Variants in UBP1 observed in about 807,000 individuals in gnomAD.
UBP1 encodes upstream binding protein 1.
In UBP1, 22 loss-of-function variants were observed where a neutral mutation model predicts 76.1. The ratio of observed to expected loss-of-function variants is 0.29; its 90% CI spans 0.21 to 0.41. The LOEUF is 0.41. Ranked by LOEUF, UBP1 falls within the 10% of genes least tolerant of loss-of-function variation. The probability of loss-of-function intolerance (pLI) is 1.00; values close to 1 mark genes in which losing one functional copy is unlikely to be tolerated. For missense variants in UBP1, 436 were observed against 668.1 expected, an observed-to-expected ratio of 0.65 and a Z score of 3.83; for synonymous variants, 224 against 237.1, an observed-to-expected ratio of 0.94 and a Z score of 0.51.
intron 1 of UBP1, among the ~76,000 whole-genome samples, chr3:33,428,782 A>C (rs1364569784): frequency 6.6e-5 from 10 of 150,702 alleles, no homozygotes; most frequent in African/African-American, 2.5e-4. Flanking sequence ...ACTTTCAACC[A>C]AAGTCCTTAC....
intron 1 of UBP1, among the ~76,000 whole-genome samples, chr3:33,427,202 T>C (rs1366796829): frequency 6.6e-6 from 1 of 152,206 alleles, no homozygotes; most frequent in Admixed American, 6.5e-5. Context: ...TGGCCTCAAG[T>C]GATCCGCCCG....
chr3:33,439,874 C>T lies in UBP1; in HGVS notation c.-26G>A. On this transcript the variant is annotated 5_prime_UTR_variant, in exon 1 of 16. The change creates a new upstream start codon in the 5' untranslated region. Coordinates refer to ENST00000283629, the MANE Select transcript of UBP1 (RefSeq NM_014517.5). Reference sequence around the variant, plus strand: ...CTTCCGGCCTCGCCGTCGCCCCGCACACCGCGGCCTCCGCGTCCAGGGCGA... The same window carrying T: ...CTTCCGGCCTCGCCGTCGCCCCGCATACCGCGGCCTCCGCGTCCAGGGCGA... 6.2e-7 allele frequency: 1 copy of T among 1,609,156 alleles called. No homozygotes were observed. Among genetic ancestry groups the T allele is most frequent in the South Asian group, 1.1e-5 (1 of 90,452 alleles).
chr3:33,396,475 T>C (rs146291548), intron 12 of UBP1, 195 bp from the exon 13 acceptor site: 1 of 510,348 alleles, frequency 2.0e-6, no homozygotes, highest in African/African-American at 1.9e-5. Context: ...TGGTCTAATA[T>C]GATGATCCAG....
intron 1 of UBP1, among the ~76,000 whole-genome samples, chr3:33,427,309 G>A (rs1345655259): frequency 2.0e-5 from 3 of 152,240 alleles, no homozygotes; most frequent in African/African-American, 4.8e-5. Context: ...TTTCAAAGTG[G>A]TTGCAATAAT....
intron 14 of UBP1, chr3:33,393,034 G>A (rs2043830894): frequency 2.7e-6 from 1 of 365,786 alleles, no homozygotes; most frequent in Non-Finnish European, 4.8e-6. Context: ...CATAAAAAGG[G>A]CCAAAGCCTG....
At chr3:33,433,779 G>A (rs1376011741) in intron 1 of UBP1, among the ~76,000 whole-genome samples, 1 of 152,128 alleles carries the variant, frequency 6.6e-6, no homozygotes, top group Non-Finnish European at 1.5e-5. Flanking sequence ...TGGGCACCAT[G>A]TGGCCCACCT....
At chr3:33,417,709 T>C (rs1057039134) in intron 2 of UBP1, among the ~76,000 whole-genome samples, 1 of 152,226 alleles carries the variant, frequency 6.6e-6, no homozygotes, top group African/African-American at 2.4e-5. Flanking sequence ...TTATCTGTTA[T>C]TAAATAATAA....
At chr3:33,429,794 A>G (rs984205022) in intron 1 of UBP1, among the ~76,000 whole-genome samples, 10 of 152,362 alleles carry the variant, frequency 6.6e-5, no homozygotes, top group Non-Finnish European at 1.2e-4. Context: ...CCAGCAATGT[A>G]AGCTGCCTTC....
chr3:33,420,073 A>G (rs2044846545), intron 2 of UBP1, among the ~76,000 whole-genome samples: 1 of 152,172 alleles, frequency 6.6e-6, no homozygotes, highest in African/African-American at 2.4e-5. Context: ...AGCTTCATCA[A>G]ATGGGACTCC....
chr3:33,402,774 A>C, intron 9 of UBP1, 27 bp downstream of exon 9: 1 of 1,469,506 alleles, frequency 6.8e-7, no homozygotes, highest in Non-Finnish European at 9.1e-7. Context: ...AGTTAGCTGC[A>C]GGCACACGAT....
Position 33,394,191 on chromosome 3 carries a change from TTTATTATTATTA to T in UBP1, c.1391-749_1391-738del, listed in dbSNP as rs148929407. Among the ~76,000 whole-genome samples, 92 of 143,416 alleles carry T rather than the reference TTTATTATTATTA, an allele frequency of 6.4e-4. 1 individual carries two copies. The South Asian group carries it at 7.6e-3, about 12-fold the overall frequency. 94.1% of individuals were successfully genotyped at this position (143,416 alleles called of 152,430 possible). On this transcript the variant is annotated intron_variant, in intron 13 of 15. Transcript: ENST00000283629. ...CACACGCCACCATGCCTGGCTAATT[TTTATTATTATTA>T]TTATTATTATTATTATTATTATTTG...
chr3:33,439,911 C>A lies in UBP1; in HGVS notation c.-63G>T. ...CGCGTCCAGGGCGAAGGAGCCGGAG[C>A]TCCGCTGGCGCGTCCTGGGGGAGGG... On this transcript the variant is annotated 5_prime_UTR_variant, in exon 1 of 16. Coordinates refer to ENST00000283629, the MANE Select transcript of UBP1 (RefSeq NM_014517.5). 1 of 1,584,732 alleles carries A rather than the reference C, an allele frequency of 6.3e-7. No homozygotes were observed. Among genetic ancestry groups the A allele is most frequent in the Non-Finnish European group, 8.6e-7 (1 of 1,161,810 alleles).
chr3:33,432,907 A>G (rs1422926037), intron 1 of UBP1, among the ~76,000 whole-genome samples: 2 of 152,184 alleles, frequency 1.3e-5, no homozygotes, highest in Admixed American at 6.5e-5. Context: ...TGAAGGGTAC[A>G]TGTGAACTCT....
At chr3:33,392,756 A>C (rs1488673312) in intron 14 of UBP1, 142 bp from the exon 15 acceptor site, 12 of 722,140 alleles carry the variant, frequency 1.7e-5, no homozygotes, top group Non-Finnish European at 2.2e-5. Flanking sequence ...AGTGTGAGGC[A>C]GCAAAGATGC....
chr3:33,393,380 G>A lies in UBP1; in HGVS notation c.1465C>T (p.Pro489Ser). 1 of 1,612,942 alleles carries A rather than the reference G, an allele frequency of 6.2e-7. No homozygotes were observed. The highest frequency in any genetic ancestry group is 8.5e-7 in the Non-Finnish European group (1 of 1,179,430). The change falls in exon 14 of 16, where the codon CCT (proline) becomes TCT (serine). Residue 489 changes from proline to serine, a missense_variant. Physicochemically the swap from Pro to Ser is moderately conservative, Grantham distance 74. Coordinates refer to ENST00000283629, the MANE Select transcript of UBP1 (RefSeq NM_014517.5). Reference protein sequence around the residue: ...ARKLALVFNIPLHQINQVYRQ... With the variant: ...ARKLALVFNISLHQINQVYRQ... ...TAAACCTGATTAATTTGGTGGAGAG[G>A]GATATTAAACACCAGCGCAAGTTTT...
intron 1 of UBP1, among the ~76,000 whole-genome samples, chr3:33,428,894 C>A (rs1559692010): frequency 6.6e-6 from 1 of 151,782 alleles, no homozygotes; most frequent in Non-Finnish European, 1.5e-5. Flanking sequence ...ACTACCCCGG[C>A]CTCCTGATTC....
chr3:33,423,902 A>G (rs1451816395), intron 2 of UBP1, among the ~76,000 whole-genome samples: 2 of 152,226 alleles, frequency 1.3e-5, no homozygotes, highest in Non-Finnish European at 2.9e-5. Flanking sequence ...TCGATATGAA[A>G]TATCTTTATC....
intron 1 of UBP1, among the ~76,000 whole-genome samples, chr3:33,426,854 A>G (rs1424773198): frequency 1.3e-5 from 2 of 152,186 alleles, no homozygotes; most frequent in East Asian, 3.8e-4. Flanking sequence ...ATTTTTTAGC[A>G]ATTATGAATC....
rs547198733 is a variant in UBP1 at position 33,388,379 on chromosome 3, C to A, written c.*1952G>T. Reference sequence around the variant, plus strand: ...AACATTTATTATACTGAAATGTGTACATCCTACTATTAAAAAAACAAAGTA... The same window carrying A: ...AACATTTATTATACTGAAATGTGTAAATCCTACTATTAAAAAAACAAAGTA... On this transcript the variant is annotated 3_prime_UTR_variant, in exon 16 of 16. Transcript: ENST00000283629. The A allele has an allele frequency of 6.6e-6, 1 of 152,540 alleles. No individual in the cohort carries two copies. Among genetic ancestry groups the A allele is most frequent in the Non-Finnish European group, 1.5e-5 (1 of 68,020 alleles). 9.4% of individuals were successfully genotyped at this position (152,540 alleles called of 1,614,324 possible). A position where few individuals can be genotyped will look rare whatever the true frequency, so the allele number is the denominator to read the frequency against.
Sources: allele counts gnomAD v4.1 joint callset (sites outside exome capture counted in the v4.1 genomes callset), GRCh38; gene constraint gnomAD v4.1.1; transcripts MANE v1.5; gene names NCBI Gene and HGNC (gene_info 2026-07-23, HGNC 2026-07-21).